NBAS: variants seen among roughly 807,000 people sequenced by gnomAD.
The protein encoded by NBAS is NAG/BC035112 fusion.
In NBAS, 219 loss-of-function variants were observed where a neutral mutation model predicts 302.5. The observed-to-expected ratio is 0.72, with a 90% confidence interval of 0.65 to 0.81. NBAS has a LOEUF of 0.81. NBAS is among the 30% of genes least tolerant of loss of function. NBAS has a pLI of 0.00. For missense variants in NBAS, 2,932 were observed against 2,841.6 expected, an observed-to-expected ratio of 1.03 and a Z score of -0.72; for synonymous variants, 1,118 against 1,021.6, an observed-to-expected ratio of 1.09 and a Z score of -1.80.
chr2:14,781,932 TG>T, the NBAS span, among the ~76,000 whole-genome samples: 3 of 152,102 alleles, frequency 2.0e-5, no homozygotes, highest in Admixed American at 2.0e-4. Flanking sequence ...CTCCTTAGCA[TG>T]ATGGTCATAG....
chr2:15,218,868 A>G lies in NBAS; in HGVS notation c.6337T>C (p.Leu2113=), dbSNP rs749005276. The G allele has an allele frequency of 9.3e-6, 15 of 1,614,166 alleles. No homozygotes were observed. Among genetic ancestry groups the G allele is most frequent in the Non-Finnish European group, 1.3e-5 (15 of 1,180,062 alleles). Residue 2113 remains leucine, a synonymous_variant, in exon 48 of 52, where the codon TTG becomes CTG. Coordinates refer to ENST00000281513, the MANE Select transcript of NBAS (RefSeq NM_015909.4). ...TCAGTCAGGTGAAATGATTGCCCCA[A>G]AATCTGCAGCACGTGAATGCGGGGC... ...VRPRIHVLQI[L]GQSFHLTEED...
the NBAS span, among the ~76,000 whole-genome samples, chr2:14,935,928 G>C: frequency 1.3e-5 from 2 of 152,140 alleles, no homozygotes; most frequent in Non-Finnish European, 2.9e-5. Context: ...TGCCAAACCA[G>C]AGTATGGCAC....
intron 9 of NBAS, among the ~76,000 whole-genome samples, chr2:15,533,675 TGTGC>T (rs1396999895): frequency 9.2e-6 from 1 of 108,404 alleles, no homozygotes; most frequent in South Asian, 3.5e-4. Context: ...CTTCGGGGGG[TGTGC>T]GTGTGTGTGT....
At chr2:15,108,722 T>C in the NBAS span, among the ~76,000 whole-genome samples, 1 of 152,112 alleles carries the variant, frequency 6.6e-6, no homozygotes, top group African/African-American at 2.4e-5. Flanking sequence ...AAATCCATAA[T>C]TGATTGCCTA....
chr2:14,971,376 A>G, the NBAS span, among the ~76,000 whole-genome samples: 2 of 152,090 alleles, frequency 1.3e-5, no homozygotes, highest in Non-Finnish European at 1.5e-5. Flanking sequence ...TTAGCTGGGC[A>G]TGGTGGCACA....
chr2:15,272,154 T>C (rs1052639867), intron 44 of NBAS, among the ~76,000 whole-genome samples: 1 of 152,186 alleles, frequency 6.6e-6, no homozygotes, highest in African/African-American at 2.4e-5. Flanking sequence ...ACCAGTGGAT[T>C]GGGCACTCAG....
At chr2:15,539,708 A>C (rs1663706108) in intron 6 of NBAS, among the ~76,000 whole-genome samples, 1 of 152,240 alleles carries the variant, frequency 6.6e-6, no homozygotes, top group South Asian at 2.1e-4. Flanking sequence ...ATGGGTAGAC[A>C]ATAATTCTAA....
At chr2:15,533,381 T>C (rs2148678591) in intron 9 of NBAS, among the ~76,000 whole-genome samples, 1 of 152,266 alleles carries the variant, frequency 6.6e-6, no homozygotes, top group South Asian at 2.1e-4. Flanking sequence ...TTTTCATCTA[T>C]AGGAGAATGA....
chr2:14,847,185 C>G, the NBAS span, among the ~76,000 whole-genome samples: 1 of 151,684 alleles, frequency 6.6e-6, no homozygotes, highest in Non-Finnish European at 1.5e-5. Flanking sequence ...AGATTGAGAC[C>G]ATCCTGGCTA....
At chr2:14,981,438 C>T in the NBAS span, among the ~76,000 whole-genome samples, 2 of 152,308 alleles carry the variant, frequency 1.3e-5, no homozygotes, top group African/African-American at 4.8e-5. Context: ...ATATTCCTCC[C>T]AACCACTTTT....
In NBAS at chr2:15,561,314, G is replaced by A. The variant is rs760503664; in HGVS notation, c.-10C>T. 4.3e-6 allele frequency: 7 copies of A among 1,610,646 alleles called. No individual in the cohort carries two copies. Among genetic ancestry groups the A allele is most frequent in the Admixed American group, 3.3e-5 (2 of 59,996 alleles). ...ACTCGGGGGCCGCCATGTTCGCCGAGGACTCAGGCAGCGGAGGAGTGTCTC... is the reference window on the plus strand; with the variant it reads ...ACTCGGGGGCCGCCATGTTCGCCGAAGACTCAGGCAGCGGAGGAGTGTCTC... On this transcript the variant is annotated 5_prime_UTR_variant, in exon 1 of 52. Coordinates refer to ENST00000281513, the MANE Select transcript of NBAS (RefSeq NM_015909.4).
chr2:15,218,763 A>C lies in NBAS; in HGVS notation c.6432+10T>G. ...TAGTAAGAAAAATAATCATTCAGAC[A>C]CTCCCTTACCTGTCTCTGGGGCCAG... On this transcript the variant is annotated intron_variant, in intron 48 of 51. Coordinates refer to ENST00000281513, the MANE Select transcript of NBAS (RefSeq NM_015909.4). 1 of 1,613,924 alleles carries C rather than the reference A, an allele frequency of 6.2e-7. No individual in the cohort carries two copies. The highest frequency in any genetic ancestry group is 1.1e-5 in the South Asian group (1 of 91,066).
intron 6 of NBAS, among the ~76,000 whole-genome samples, chr2:15,550,410 T>C (rs948813486): frequency 6.6e-6 from 1 of 152,190 alleles, no homozygotes; most frequent in African/African-American, 2.4e-5. Context: ...CTATAAATGT[T>C]TGTCATCAAC....
chr2:15,369,139 A>T lies in NBAS; in HGVS notation c.3704-2446T>A, dbSNP rs566461945. On this transcript the variant is annotated intron_variant, in intron 31 of 51. Coordinates refer to ENST00000281513, the MANE Select transcript of NBAS (RefSeq NM_015909.4). ...ATTTCTAATTTTATTTTCAAAACAA[A>T]ATTTGTTGCAGATATTATCTGCATT... 4.1e-4 allele frequency among the ~76,000 whole-genome samples: 62 copies of T among 152,266 alleles called. No homozygotes were observed. In the South Asian group the frequency reaches 9.8e-3, roughly 24 times the overall value.
At chr2:15,217,379 G>A (rs1234813442) in intron 48 of NBAS, among the ~76,000 whole-genome samples, 1 of 152,180 alleles carries the variant, frequency 6.6e-6, no homozygotes, top group East Asian at 1.9e-4. Flanking sequence ...ATCTCACAGA[G>A]GGAAATAAGA....
At chr2:15,085,620 C>A in the NBAS span, among the ~76,000 whole-genome samples, 14 of 152,176 alleles carry the variant, frequency 9.2e-5, no homozygotes, top group African/African-American at 3.4e-4. Flanking sequence ...AGCAGCCCTG[C>A]CCTCCTGAGC....
At chr2:15,072,170 C>T in the NBAS span, among the ~76,000 whole-genome samples, 3 of 152,244 alleles carry the variant, frequency 2.0e-5, no homozygotes, top group Non-Finnish European at 4.4e-5. Flanking sequence ...TGTGAGAGTA[C>T]CAGCCTCATG....
chr2:15,539,396 T>C, intron 6 of NBAS, 40 bp from the exon 7 acceptor site: 2 of 1,612,596 alleles, frequency 1.2e-6, no homozygotes, highest in South Asian at 1.1e-5. Context: ...TAACAATATA[T>C]TACAAAGATA....
At chr2:14,970,330 T>C in the NBAS span, among the ~76,000 whole-genome samples, 1 of 152,220 alleles carries the variant, frequency 6.6e-6, no homozygotes, top group South Asian at 2.1e-4. Context: ...ATCTCATTTA[T>C]ATAAGATAAG....
Sources: allele counts gnomAD v4.1 joint callset (sites outside exome capture counted in the v4.1 genomes callset), GRCh38; gene constraint gnomAD v4.1.1; transcripts MANE v1.5; gene names NCBI Gene and HGNC (gene_info 2026-07-23, HGNC 2026-07-21).